Variants in C1orf167 observed in about 807,000 individuals in gnomAD.
The protein encoded by C1orf167 is chromosome 1 open reading frame 167, also known as uncharacterized protein C1orf167.
A neutral mutation model predicts 176.5 loss-of-function variants in C1orf167; 153 were observed. The ratio of observed to expected loss-of-function variants is 0.87; its 90% CI spans 0.76 to 0.99. C1orf167 has a LOEUF of 0.99. Ranked by LOEUF, C1orf167 falls within the 50% of genes least tolerant of loss-of-function variation. The pLI, the probability that C1orf167 is intolerant of heterozygous loss-of-function variation, is 0.00. For missense variants in C1orf167, 1,490 were observed against 1,817.7 expected (o/e 0.82, Z 3.28); for synonymous variants, 594 against 752.7 (o/e 0.79, Z 3.45).
chr1:11,788,880 G>A lies in C1orf167; in HGVS notation c.4173+134G>A, dbSNP rs1022692379. 49 of 646,766 alleles carry A rather than the reference G, an allele frequency of 7.6e-5. 1 individual carries two copies. In the Middle Eastern group the frequency reaches 1.6e-3, roughly 21 times the overall value. 40.1% of individuals were successfully genotyped at this position (646,766 alleles called of 1,614,324 possible). A position where few individuals can be genotyped will look rare whatever the true frequency, so the allele number is the denominator to read the frequency against. On this transcript the variant is annotated intron_variant, in intron 20 of 20. Coordinates refer to ENST00000688073, the MANE Select transcript of C1orf167 (RefSeq NM_001010881.2). ...CGGGGCCCCTTCGTTTTCAGGGGAG[G>A]GGGTCAGTTCCATTACAGAACACAC... is the stretch of plus-strand genomic sequence containing the variant.
At position 11,784,301 on chromosome 1, in the gene C1orf167, G is replaced by A. The variant is rs766856648; in HGVS notation, c.3133G>A (p.Glu1045Lys). 6.9e-6 allele frequency: 9 copies of A among 1,303,652 alleles called. No individual in the cohort carries two copies. The highest frequency in any genetic ancestry group is 9.1e-6 in the Non-Finnish European group (9 of 988,706). The allele number at this position is 1,303,652 out of a possible 1,614,324, so 80.8% of individuals were successfully genotyped here. Residue 1045 changes from glutamate to lysine, a missense_variant, in exon 15 of 21, where the codon GAA becomes AAA. Physicochemically the swap from Glu to Lys is moderately conservative, Grantham distance 56. Coordinates refer to ENST00000688073, the MANE Select transcript of C1orf167 (RefSeq NM_001010881.2). ...AVFATWREAQ[E>K]VAAGAQEQRV... Reference sequence around the variant, plus strand: ...GTTTGCCACATGGCGGGAAGCCCAGGAAGTGGCAGCCGGGGCACAGGAGCA... The same window carrying A: ...GTTTGCCACATGGCGGGAAGCCCAGAAAGTGGCAGCCGGGGCACAGGAGCA...
At chr1:11,783,128 C>T (rs930553112) in intron 14 of C1orf167, among the ~76,000 whole-genome samples, 28 of 152,124 alleles carry the variant, frequency 1.8e-4, no homozygotes, top group Non-Finnish European at 4.0e-4. Context: ...CAGAATGGCT[C>T]CTCCCACAGT....
At chr1:11,788,570 T>C in intron 19 of C1orf167, 82 bp from the exon 20 acceptor site, 2 of 1,193,726 alleles carry the variant, frequency 1.7e-6, no homozygotes, top group Non-Finnish European at 2.2e-6. Context: ...GGTGCAGCAG[T>C]GTCGGGGGAG....
intron 17 of C1orf167, 66 bp downstream of exon 17, chr1:11,787,559 C>T: frequency 1.8e-6 from 2 of 1,110,748 alleles, no homozygotes; most frequent in South Asian, 1.5e-5. Flanking sequence ...GTCTCCAGTC[C>T]TCAGGGGCCT....
intron 17 of C1orf167, 181 bp downstream of exon 17, chr1:11,787,674 TGCCCC>T: frequency 1.1e-6 from 1 of 922,076 alleles, no homozygotes; most frequent in Non-Finnish European, 1.4e-6. Flanking sequence ...TTTGCATTCC[TGCCCC>T]GCCCCTGTGA....
At chr1:11,781,950 T>C (rs534453660) in intron 13 of C1orf167, among the ~76,000 whole-genome samples, 38 of 151,712 alleles carry the variant, frequency 2.5e-4, no homozygotes, top group Non-Finnish European at 4.6e-4. Context: ...TTACCTGAAT[T>C]CTCCAGATTT....
chr1:11,785,816 T>G (rs570545683), intron 16 of C1orf167: 1 of 152,426 alleles, frequency 6.6e-6, no homozygotes, highest in African/African-American at 2.4e-5. Flanking sequence ...CACTGCAACC[T>G]CTGCCTCCCG....
intron 16 of C1orf167, chr1:11,786,213 T>C (rs1057624): frequency 0.024 from 3,729 of 152,332 alleles, 64 homozygotes; most frequent in Non-Finnish European, 0.038. Flanking sequence ...AAGAGGTTGA[T>C]AGCCTAGCAA....
In C1orf167 at chr1:11,763,720, G is replaced by A. The variant is rs192545306; in HGVS notation, c.-70-611G>A. ...GTGTTTACAGGATCACCCTGCCGCC[G>A]CATGAAGAGGAGGCTGTCGGGCGTG... On this transcript the variant is annotated intron_variant, in intron 1 of 20. Coordinates refer to ENST00000688073, the MANE Select transcript of C1orf167 (RefSeq NM_001010881.2). 5.5e-4 allele frequency among the ~76,000 whole-genome samples: 83 copies of A among 152,276 alleles called. 1 individual carries two copies. The East Asian group carries it at 0.013, about 24-fold the overall frequency.
chr1:11,775,500 G>C lies in C1orf167; in HGVS notation c.2054G>C (p.Arg685Pro). The C allele has an allele frequency of 1.5e-6, 2 of 1,304,202 alleles. No homozygotes were observed. Among genetic ancestry groups the C allele is most frequent in the South Asian group, 1.2e-5 (1 of 81,018 alleles). 80.8% of individuals were successfully genotyped at this position (1,304,202 alleles called of 1,614,324 possible). A position where few individuals can be genotyped will look rare whatever the true frequency, so the allele number is the denominator to read the frequency against. The stretch of plus-strand genomic sequence containing the variant: ...CGGTACCGAGACCACCTGGCTGACC[G>C]CCGGACGGGGACCCTGAGGAAATGC... ...GSRYRDHLAD[R>P]RTGTLRKCLE... Residue 685 changes from arginine (R) to proline (P), a missense_variant, in exon 9 of 21, where the codon CGC (arginine) becomes CCC (proline). By Grantham distance (103) the Arg-to-Pro change is moderately radical. Transcript: ENST00000688073.
At chr1:11,779,522 G>A (rs1643492372) in intron 12 of C1orf167, 2 of 249,086 alleles carry the variant, frequency 8.0e-6, no homozygotes, top group African/African-American at 2.2e-5. Flanking sequence ...GGCACGTTGT[G>A]AGTGCTCAGT....
At chr1:11,777,592 A>C (rs112131579) in intron 10 of C1orf167, 16,726 of 151,540 alleles carry the variant, frequency 0.11, 1,004 homozygotes, top group South Asian at 0.19. Context: ...CAGAGGTTGC[A>C]GTGAGCCAAG....
At position 11,789,291 on chromosome 1, in the gene C1orf167, C is replaced by A; in HGVS notation, c.4195C>A (p.Arg1399Ser). ...CCAGGCCTTTAAGAAGTGGCACCAA[C>A]GCCTGGCAGCCAGGAGCCCAAGGAG... ...GRWAFKKWHQ[R>S]LAARSPRRGA... Residue 1399 changes from arginine to serine, a missense_variant, in exon 21 of 21, where the codon CGC (arginine) becomes AGC (serine). Arg to Ser is a moderately radical substitution (Grantham distance 110). Transcript: ENST00000688073. The A allele has an allele frequency of 3.1e-6, 4 of 1,304,062 alleles. No homozygotes were observed. Among genetic ancestry groups the A allele is most frequent in the Non-Finnish European group, 4.0e-6 (4 of 988,902 alleles). 80.8% of individuals were successfully genotyped at this position (1,304,062 alleles called of 1,614,324 possible).
chr1:11,786,537 ACGAT>A (rs921590221), intron 16 of C1orf167: 1 of 151,740 alleles, frequency 6.6e-6, no homozygotes, highest in Admixed American at 6.6e-5. Flanking sequence ...CAGGGCTCAA[ACGAT>A]CCTCCCACCT....
chr1:11,772,023 G>A lies in C1orf167; in HGVS notation c.1811-59G>A, dbSNP rs1643104647. On this transcript the variant is annotated intron_variant, in intron 7 of 20. Transcript: ENST00000688073. ...CCCCACATGTCAGGGGCCCCTCCTG[G>A]CTCAGATCCTCCCATCTGCTTACTC... is the stretch of plus-strand genomic sequence containing the variant. 31 of 1,226,542 alleles carry A rather than the reference G, an allele frequency of 2.5e-5. No individual in the cohort carries two copies. The South Asian group carries it at 4.4e-4, about 17-fold the overall frequency. The allele number at this position is 1,226,542 out of a possible 1,614,324, so 76.0% of individuals were successfully genotyped here.
chr1:11,789,388 C>T lies in C1orf167; in HGVS notation c.4292C>T (p.Ala1431Val), dbSNP rs747078351. ...PKGPESGQEAARAPRGWGLGA... is the reference protein window; with the variant it reads ...PKGPESGQEAVRAPRGWGLGA... ...GGCCCCGAGAGTGGACAGGAAGCCG[C>T]CAGAGCACCGCGGGGTTGGGGGCTT... The change falls in exon 21 of 21, where the codon GCC (alanine) becomes GTC (valine). Residue 1431 changes from alanine to valine, a missense_variant. Coordinates refer to ENST00000688073, the MANE Select transcript of C1orf167 (RefSeq NM_001010881.2). The T allele has an allele frequency of 3.8e-6, 5 of 1,303,516 alleles. No homozygotes were observed. In the South Asian group the frequency reaches 4.9e-5, roughly 13 times the overall value. 80.7% of individuals were successfully genotyped at this position (1,303,516 alleles called of 1,614,324 possible). A position where few individuals can be genotyped will look rare whatever the true frequency, so the allele number is the denominator to read the frequency against.
intron 1 of C1orf167, among the ~76,000 whole-genome samples, chr1:11,763,965 G>A (rs1642656704): frequency 6.6e-6 from 1 of 152,196 alleles, no homozygotes; most frequent in Non-Finnish European, 1.5e-5. Context: ...CACCAAGATG[G>A]GAGAGAGCTG....
At chr1:11,776,206 G>A (rs181855720) in intron 9 of C1orf167, among the ~76,000 whole-genome samples, 8 of 152,360 alleles carry the variant, frequency 5.3e-5, no homozygotes, top group African/African-American at 1.7e-4. Context: ...GCAGTGAGCT[G>A]AGATCGTGCC....
chr1:11,780,027 T>G lies in C1orf167; in HGVS notation c.2860+17T>G. The G allele has an allele frequency of 8.0e-7, 1 of 1,257,494 alleles. No homozygotes were observed. The highest frequency in any genetic ancestry group is 1.0e-6 in the Non-Finnish European group (1 of 960,138). 77.9% of individuals were successfully genotyped at this position (1,257,494 alleles called of 1,614,324 possible). A position where few individuals can be genotyped will look rare whatever the true frequency, so the allele number is the denominator to read the frequency against. On this transcript the variant is annotated intron_variant, in intron 13 of 20. Transcript: ENST00000688073. ...GTTGGCAGGGTGAGTGGAGACTTGG[T>G]CGGGGGCACTGCGGGTGAGGGCAGG...
Sources: allele counts gnomAD v4.1 joint callset (sites outside exome capture counted in the v4.1 genomes callset), GRCh38; gene constraint gnomAD v4.1.1; transcripts MANE v1.5; gene names NCBI Gene and HGNC (gene_info 2026-07-23, HGNC 2026-07-21).